Variants in KAZN observed in about 807,000 individuals in gnomAD.
KAZN encodes the protein kazrin, periplakin interacting protein.
Under a neutral mutation model 87.4 loss-of-function variants are expected in KAZN, and 40 were observed. The ratio of observed to expected loss-of-function variants is 0.46; its 90% CI spans 0.36 to 0.60. The LOEUF (loss-of-function observed/expected upper bound fraction) is 0.60, where lower values mean the gene tolerates loss of function less well. KAZN is among the 20% of genes least tolerant of loss of function. The pLI is 0.00. For synonymous variants in KAZN, 466 were observed against 458.3 expected, an observed-to-expected ratio of 1.02 and a Z score of -0.22; for missense variants, 898 against 1,073.9, an observed-to-expected ratio of 0.84 and a Z score of 2.29.
At chr1:14,836,737 G>A (rs902780063) in intron 1 of KAZN, among the ~76,000 whole-genome samples, 3 of 152,122 alleles carry the variant, frequency 2.0e-5, no homozygotes, top group African/African-American at 4.8e-5. Flanking sequence ...GAGAGGGGGT[G>A]TCTCAGCATG....
Position 14,421,170 on chromosome 1 carries a change from A to G in KAZN, c.250-177813A>G, listed in dbSNP as rs117829256. Reference sequence around the variant, plus strand: ...AAAGGATGAAAATAGTGTGTAATCAATTTGTATCAATGATAAATAATTGTT... The same window carrying G: ...AAAGGATGAAAATAGTGTGTAATCAGTTTGTATCAATGATAAATAATTGTT... On this transcript the variant is annotated intron_variant, in intron 2 of 16. Transcript: ENST00000636203. 1.6e-3 allele frequency among the ~76,000 whole-genome samples: 250 copies of G among 152,354 alleles called. 6 individuals carry two copies. The East Asian group carries it at 0.043, about 26-fold the overall frequency.
In KAZN at chr1:15,094,378, G is replaced by C; in HGVS notation, c.1421G>C (p.Ser474Thr). Reference protein sequence around the residue: ...YVKACTENVKSGKVLLSLSDE... With the variant: ...YVKACTENVKTGKVLLSLSDE... ...AAGGCCTGCACGGAGAACGTGAAGA[G>C]CGGGAAGGTAGGCAACTCCGGGCCC... is the stretch of plus-strand genomic sequence containing the variant. Residue 474 changes from serine (S) to threonine (T), a missense_variant, in exon 9 of 15, where the codon AGC becomes ACC. This residue lies in a region of KAZN where 521 missense variants were observed against 689.4 expected (regional missense o/e 0.76). Transcript: ENST00000376030. This position sits in a 1 kb window ranked among gnomAD's most constrained non-coding sequence, Gnocchi z 4.5. 1 of 1,611,922 alleles carries C rather than the reference G, an allele frequency of 6.2e-7. No homozygotes were observed. The highest frequency in any genetic ancestry group is 8.5e-7 in the Non-Finnish European group (1 of 1,178,766).
intron 6 of KAZN, 114 bp downstream of exon 6, chr1:15,060,416 C>A: frequency 7.3e-7 from 1 of 1,372,152 alleles, no homozygotes; most frequent in Non-Finnish European, 1.0e-6. Context: ...CCAGGGAGCA[C>A]TCTGGCGAAT....
At chr1:14,907,608 G>A (rs1038319043) in intron 1 of KAZN, among the ~76,000 whole-genome samples, 3 of 152,162 alleles carry the variant, frequency 2.0e-5, no homozygotes, top group Admixed American at 2.0e-4. Flanking sequence ...ACGAGGGCAT[G>A]ATGACTCTGC....
chr1:15,107,440 C>G (rs77020817), intron 13 of KAZN, among the ~76,000 whole-genome samples: 3,162 of 152,254 alleles, frequency 0.021, 122 homozygotes, highest in African/African-American at 0.072. Flanking sequence ...ATCCAGAATG[C>G]CTTGTGGCAC....
At chr1:15,052,266 G>A (rs977537047) in intron 4 of KAZN, among the ~76,000 whole-genome samples, 19 of 152,154 alleles carry the variant, frequency 1.2e-4, no homozygotes, top group African/African-American at 4.6e-4. Flanking sequence ...CATGGCTGGG[G>A]AGGCCTCACA....
At chr1:14,944,835 C>T (rs116175226) in intron 1 of KAZN, among the ~76,000 whole-genome samples, 1,996 of 152,310 alleles carry the variant, frequency 0.013, 46 homozygotes, top group African/African-American at 0.045. Flanking sequence ...AATATCAGCC[C>T]GCAGCAAGGC....
At chr1:14,206,785 G>T (rs1646754947) in intron 2 of KAZN, among the ~76,000 whole-genome samples, 1 of 146,020 alleles carries the variant, frequency 6.8e-6, no homozygotes, top group Non-Finnish European at 1.5e-5. Flanking sequence ...AAATTGAGTT[G>T]TTGATAGCTG....
chr1:15,085,414 A>AT (rs1640204576), intron 8 of KAZN, among the ~76,000 whole-genome samples: 1 of 151,962 alleles, frequency 6.6e-6, no homozygotes, highest in Admixed American at 6.6e-5. Context: ...TGCAACCTCC[A>AT]CCTCCCAGGT....
At chr1:14,223,906 A>T (rs777838520) in intron 2 of KAZN, among the ~76,000 whole-genome samples, 1 of 152,198 alleles carries the variant, frequency 6.6e-6, no homozygotes, top group Non-Finnish European at 1.5e-5. Flanking sequence ...AAAGGAGGTG[A>T]TCAGCAAGGG....
In KAZN at chr1:15,094,914, G is replaced by C; in HGVS notation, c.1528G>C (p.Asp510His). ...KLRLAIEDYR[D>H]AEAGRSLSKA... ...GCGCCTGGCCATCGAGGACTACCGT[G>C]ATGCCGAGGCAGGCCGCAGGTGAGC... Residue 510 changes from aspartate (D) to histidine (H), a missense_variant, in exon 10 of 15, where the codon GAT becomes CAT. Physicochemically the swap from Asp to His is moderately conservative, Grantham distance 81 (BLOSUM62 -1). Around this residue, in one of 3 missense-constraint regions of KAZN, gnomAD observed 521 missense variants for 689.4 expected, o/e 0.76. Coordinates refer to ENST00000376030, the MANE Select transcript of KAZN (RefSeq NM_201628.3). This position sits in a 1 kb window ranked among gnomAD's most constrained non-coding sequence, Gnocchi z 4.5. The C allele has an allele frequency of 6.5e-7, 1 of 1,550,196 alleles. No individual in the cohort carries two copies. Among genetic ancestry groups the C allele is most frequent in the Non-Finnish European group, 8.7e-7 (1 of 1,146,480 alleles).
intron 1 of KAZN, among the ~76,000 whole-genome samples, chr1:14,159,784 C>A (rs539933704): frequency 6.6e-6 from 1 of 152,358 alleles, no homozygotes; most frequent in African/African-American, 2.4e-5. Context: ...AGTATCACTG[C>A]TGGGCTCTTC....
At chr1:14,439,461 T>C (rs939965558) in intron 2 of KAZN, among the ~76,000 whole-genome samples, 3 of 152,296 alleles carry the variant, frequency 2.0e-5, no homozygotes, top group South Asian at 4.1e-4. Context: ...AGAATGTCTC[T>C]TCTCTGCTCA....
Position 13,932,582 on chromosome 1 carries a change from G to A in KAZN, c.91+38826G>A, listed in dbSNP as rs7531872. On this transcript the variant is annotated intron_variant, in intron 1 of 16. Transcript: ENST00000636203. ...GCCTTATTAAACATATTAAATCCAG[G>A]AATTCTCATAACATCACCATGAGAT... Among the ~76,000 whole-genome samples the A allele has an allele frequency of 5.3e-5, 8 of 152,194 alleles. No individual in the cohort carries two copies. In the South Asian group the frequency reaches 8.3e-4, roughly 16 times the overall value.
intron 2 of KAZN, among the ~76,000 whole-genome samples, chr1:14,570,056 TGA>T (rs941240458): frequency 6.6e-6 from 1 of 152,086 alleles, no homozygotes; most frequent in Admixed American, 6.5e-5. Flanking sequence ...GAGGTTGCAG[TGA>T]GCCAAGACTG....
intron 13 of KAZN, among the ~76,000 whole-genome samples, chr1:15,109,611 ATGTGTG>A (rs61148632): frequency 2.0e-5 from 3 of 151,134 alleles, no homozygotes; most frequent in Non-Finnish European, 4.4e-5. Context: ...ATGTATGGGT[ATGTGTG>A]TGTGTGTGTA....
chr1:14,393,627 GTC>G (rs1662641318), intron 2 of KAZN, among the ~76,000 whole-genome samples: 1 of 152,014 alleles, frequency 6.6e-6, no homozygotes, highest in Non-Finnish European at 1.5e-5. Context: ...ACCCTCCCCA[GTC>G]TCTGACAATT....
chr1:14,601,457 C>T (rs1268867626), intron 1 of KAZN, among the ~76,000 whole-genome samples: 4 of 150,046 alleles, frequency 2.7e-5, no homozygotes, highest in African/African-American at 7.4e-5. Context: ...TTGATGGGGG[C>T]GGGAGTTGTT....
intron 1 of KAZN, among the ~76,000 whole-genome samples, chr1:14,047,374 C>T (rs1229030713): frequency 2.6e-5 from 4 of 152,182 alleles, no homozygotes; most frequent in Non-Finnish European, 5.9e-5. Context: ...GATCTGGGTC[C>T]TCCTTGACCT....
Sources: gnomAD v4.1 joint callset for allele counts (sites outside exome capture counted in the v4.1 genomes callset) on GRCh38, gnomAD v4.1.1 for gene constraint, gnomAD v4.1.1 regional missense constraint, Gnocchi (gnomAD v3.1) non-coding constraint, MANE v1.5 for transcripts, NCBI Gene and HGNC (gene_info 2026-07-23, HGNC 2026-07-21) for gene names.